RSPRY1: variants seen among roughly 807,000 people sequenced by gnomAD.
RSPRY1 encodes RING finger and SPRY domain-containing protein 1.
RSPRY1 carries 23 observed loss-of-function variants against 73.1 expected under a neutral mutation model. That is an observed-to-expected ratio of 0.31 (90% CI 0.23 to 0.45). The LOEUF (loss-of-function observed/expected upper bound fraction) is 0.45, where lower values mean the gene tolerates loss of function less well. RSPRY1 is among the 20% of genes least tolerant of loss of function. The pLI is 1.00. For synonymous variants in RSPRY1, 226 were observed against 251.4 expected (o/e 0.90, Z 0.95); for missense variants, 448 against 698.7 (o/e 0.64, Z 4.05).
At chr16:57,231,356 A>G (rs761264618) in intron 13 of RSPRY1, 37 bp downstream of exon 13, 8 of 1,554,190 alleles carry the variant, frequency 5.1e-6, no homozygotes, top group South Asian at 3.5e-5. Flanking sequence ...AGACTTTCAC[A>G]TGAATCTTAT....
At chr16:57,222,146 T>C (rs1412230997) in intron 10 of RSPRY1, among the ~76,000 whole-genome samples, 3 of 152,238 alleles carry the variant, frequency 2.0e-5, no homozygotes, top group African/African-American at 7.2e-5. Flanking sequence ...GATTATTTTG[T>C]TAATCTAAAT....
intron 1 of RSPRY1, among the ~76,000 whole-genome samples, chr16:57,200,504 T>G (rs2074552185): frequency 6.7e-6 from 1 of 149,788 alleles, no homozygotes; most frequent in Non-Finnish European, 1.5e-5. Context: ...GCCCCTCACC[T>G]CCCAGACGGG....
At chr16:57,210,526 AACCCCGTCTCTACTAAAAT>A (rs1185480316) in intron 4 of RSPRY1, among the ~76,000 whole-genome samples, 15 of 151,746 alleles carry the variant, frequency 9.9e-5, no homozygotes, top group African/African-American at 1.7e-4. Context: ...AGCATGGTGA[AACCCCGTCTCTACTAAAAT>A]ACCCCGTCTC....
chr16:57,198,896 AG>A, intron 1 of RSPRY1, among the ~76,000 whole-genome samples: 1 of 152,344 alleles, frequency 6.6e-6, no homozygotes. Context: ...TCATAGTCCT[AG>A]GACCCTTACC....
intron 8 of RSPRY1, among the ~76,000 whole-genome samples, chr16:57,217,561 A>G (rs1375122709): frequency 1.3e-5 from 2 of 152,214 alleles, no homozygotes; most frequent in Non-Finnish European, 2.9e-5. Flanking sequence ...GGTAGAATTT[A>G]TCTGAAATGC....
chr16:57,193,528 T>G (rs2074386409), intron 1 of RSPRY1, among the ~76,000 whole-genome samples: 1 of 151,294 alleles, frequency 6.6e-6, no homozygotes, highest in Non-Finnish European at 1.5e-5. Context: ...AGTCTTGCTC[T>G]GTCACCCAGG....
intron 2 of RSPRY1, among the ~76,000 whole-genome samples, chr16:57,207,139 A>G (rs1179202916): frequency 6.6e-6 from 1 of 152,228 alleles, no homozygotes; most frequent in African/African-American, 2.4e-5. Flanking sequence ...AAATTTATCT[A>G]CAACTGTTGG....
chr16:57,201,763 C>T (rs2146224781), intron 1 of RSPRY1, among the ~76,000 whole-genome samples: 1 of 152,352 alleles, frequency 6.6e-6, no homozygotes, highest in Middle Eastern at 3.4e-3. Flanking sequence ...TGGAGACCAG[C>T]CCGGCCAACA....
At chr16:57,237,723 A>T (rs1220797997) in intron 14 of RSPRY1, among the ~76,000 whole-genome samples, 7 of 150,778 alleles carry the variant, frequency 4.6e-5, no homozygotes, top group African/African-American at 1.7e-4. Flanking sequence ...TTATTTATTT[A>T]TTTTTTGAGA....
chr16:57,225,968 C>T (rs1328092142), intron 10 of RSPRY1, among the ~76,000 whole-genome samples: 2 of 152,146 alleles, frequency 1.3e-5, no homozygotes, highest in Non-Finnish European at 2.9e-5. Context: ...ATCCCAGCTA[C>T]TCAGGAGGCT....
chr16:57,202,878 T>TTATATATATATATATATATATATATA (rs55701001), intron 1 of RSPRY1, among the ~76,000 whole-genome samples: 7 of 131,630 alleles, frequency 5.3e-5, no homozygotes, highest in South Asian at 2.8e-4. Context: ...TTACATATGA[T>TTATATATATATATATATATATATATA]TATATATATA....
intron 1 of RSPRY1, among the ~76,000 whole-genome samples, chr16:57,192,986 G>A (rs1385323352): frequency 6.6e-6 from 1 of 152,172 alleles, no homozygotes; most frequent in South Asian, 2.1e-4. Context: ...AGAGTGTTGG[G>A]ATTACAGGTG....
At chr16:57,213,506 T>C (rs577806628) in intron 5 of RSPRY1, among the ~76,000 whole-genome samples, 1 of 152,368 alleles carries the variant, frequency 6.6e-6, no homozygotes, top group South Asian at 2.1e-4. Context: ...AACTTCTGGT[T>C]GGAGCAGTTC....
At chr16:57,205,211 G>T (rs2074702166) in intron 2 of RSPRY1, 1 of 559,098 alleles carries the variant, frequency 1.8e-6, no homozygotes, top group African/African-American at 1.9e-5. Flanking sequence ...TACTTTGTCT[G>T]GAAATGTCTA....
chr16:57,232,761 C>T (rs1193785210), intron 13 of RSPRY1, among the ~76,000 whole-genome samples: 8 of 152,188 alleles, frequency 5.3e-5, no homozygotes, highest in African/African-American at 9.7e-5. Context: ...TTATGGGCAG[C>T]TTATACATAC....
intron 4 of RSPRY1, among the ~76,000 whole-genome samples, chr16:57,211,266 TAAAA>T (rs531084194): frequency 9.7e-5 from 13 of 133,874 alleles, no homozygotes; most frequent in Non-Finnish European, 1.4e-4. Flanking sequence ...TTGTCTCTGT[TAAAA>T]AAAAAAAAAA....
chr16:57,209,269 T>C (rs2074788409), intron 4 of RSPRY1, 82 bp downstream of exon 4: 1 of 907,342 alleles, frequency 1.1e-6, no homozygotes, highest in Non-Finnish European at 1.8e-6. Flanking sequence ...TTTGATGTAT[T>C]GTGTTTCATC....
chr16:57,207,257 C>T (rs777941531), intron 2 of RSPRY1, among the ~76,000 whole-genome samples: 2 of 151,952 alleles, frequency 1.3e-5, no homozygotes, highest in Non-Finnish European at 2.9e-5. Flanking sequence ...CTGAAATGAC[C>T]ATACTAATTC....
chr16:57,220,693 C>A, intron 8 of RSPRY1, 39 bp from the exon 9 acceptor site: 1 of 1,368,228 alleles, frequency 7.3e-7, no homozygotes, highest in Non-Finnish European at 1.0e-6. Flanking sequence ...TTCTCCACAG[C>A]AGCCTGCCTT....
Sources: allele counts gnomAD v4.1 joint callset (sites outside exome capture counted in the v4.1 genomes callset), GRCh38; gene constraint gnomAD v4.1.1; transcripts MANE v1.5; gene names NCBI Gene and HGNC (gene_info 2026-07-23, HGNC 2026-07-21).